MROH9: variants seen among roughly 807,000 people sequenced by gnomAD.
The protein encoded by MROH9 is maestro heat like repeat family member 9.
MROH9 carries 92 observed loss-of-function variants against 98.2 expected under a neutral mutation model. That is an observed-to-expected ratio of 0.94 (90% confidence interval 0.79 to 1.11). The LOEUF (loss-of-function observed/expected upper bound fraction) is 1.11, where lower values mean the gene tolerates loss of function less well. Among genes scored for constraint, MROH9 ranks in the 50% most tolerant of loss-of-function variants. MROH9 has a pLI of 0.00. For synonymous variants in MROH9, 397 were observed against 368.9 expected (o/e 1.08, Z -0.87); for missense variants, 1,057 against 1,014.8 (o/e 1.04, Z -0.57).
chr1:170,962,277 T>C (rs141906043), intron 6 of MROH9, among the ~76,000 whole-genome samples: 1 of 152,304 alleles, frequency 6.6e-6, no homozygotes, highest in Non-Finnish European at 1.5e-5. Flanking sequence ...AGAGCAGTGT[T>C]AGCCTAAACT....
At chr1:171,021,278 G>A (rs1054117040) in intron 17 of MROH9, among the ~76,000 whole-genome samples, 1 of 151,668 alleles carries the variant, frequency 6.6e-6, no homozygotes, top group Non-Finnish European at 1.5e-5. Flanking sequence ...CCATATGGAA[G>A]CAAAAAAGAG....
chr1:170,971,722 C>T (rs149126100), intron 7 of MROH9, 26 bp from the exon 8 acceptor site: 2 of 1,612,758 alleles, frequency 1.2e-6, no homozygotes, highest in African/African-American at 2.7e-5. Context: ...ATAGCAAATG[C>T]ATGTTCTCCT....
chr1:171,038,748 C>T (rs1011517615), intron 20 of MROH9, among the ~76,000 whole-genome samples: 1 of 152,160 alleles, frequency 6.6e-6, no homozygotes, highest in Non-Finnish European at 1.5e-5. Flanking sequence ...TGTGACTTAT[C>T]TTACAGTCAT....
chr1:170,950,988 C>CT lies in MROH9; in HGVS notation c.72+3422dup, dbSNP rs572424585. ...TGTCTCTAAGCCACTGAAAATCCCTCTTTTTTTCCCTAGTGTGGGAGAGGG... is the reference window on the plus strand; with the variant it reads ...TGTCTCTAAGCCACTGAAAATCCCTCTTTTTTTTCCCTAGTGTGGGAGAGGG... On this transcript the variant is annotated intron_variant, in intron 3 of 21. Transcript: ENST00000367759. Among the ~76,000 whole-genome samples, 34 of 152,012 alleles carry CT rather than the reference C, an allele frequency of 2.2e-4. 1 individual carries two copies. In the South Asian group the frequency reaches 4.6e-3, roughly 20 times the overall value.
chr1:170,941,618 G>C (rs1348681638), intron 1 of MROH9, among the ~76,000 whole-genome samples: 1 of 151,946 alleles, frequency 6.6e-6, no homozygotes, highest in Admixed American at 6.6e-5. Context: ...ATTGGCTGTT[G>C]AGCTTGCCCC....
intron 17 of MROH9, among the ~76,000 whole-genome samples, chr1:171,022,358 C>T (rs1216657637): frequency 6.6e-6 from 1 of 152,122 alleles, no homozygotes; most frequent in African/African-American, 2.4e-5. Context: ...AAATGCCCAT[C>T]AATGTTAGAC....
intron 15 of MROH9, among the ~76,000 whole-genome samples, chr1:171,000,474 T>C (rs933743087): frequency 1.2e-4 from 18 of 152,116 alleles, no homozygotes; most frequent in African/African-American, 4.3e-4. Context: ...GTCGAATGCT[T>C]TTTCTGCATC....
chr1:171,014,255 G>A lies in MROH9; in HGVS notation c.1734+1G>A, dbSNP rs1206618989. 1.2e-5 allele frequency: 18 copies of A among 1,547,252 alleles called. No individual in the cohort carries two copies. The East Asian group carries it at 4.4e-4, about 38-fold the overall frequency. On this transcript the variant is annotated splice_donor_variant, in intron 16 of 21. Transcript: ENST00000367759. LOFTEE classifies it high-confidence loss of function. ...CCACATGTCACCAATTATCAATAAG[G>A]TATGTGTATGTGATTTGTGTCTGCA...
chr1:170,984,015 TAAG>T (rs1448296891), intron 9 of MROH9, among the ~76,000 whole-genome samples: 1 of 152,192 alleles, frequency 6.6e-6, no homozygotes, highest in Non-Finnish European at 1.5e-5. Context: ...CAGTACCAAG[TAAG>T]TAGTTTTTAC....
chr1:170,992,112 T>C (rs1274407215), intron 11 of MROH9, 52 bp from the exon 12 acceptor site: 2 of 1,508,576 alleles, frequency 1.3e-6, no homozygotes, highest in Admixed American at 2.3e-5. Context: ...TTCTATCAAG[T>C]AGGACATGAC....
intron 7 of MROH9, among the ~76,000 whole-genome samples, chr1:170,966,778 A>T (rs1189552118): frequency 6.6e-6 from 1 of 152,074 alleles, no homozygotes. Context: ...GCCTTTCTCT[A>T]ACTTCTAAAA....
chr1:170,941,792 C>A (rs933368217), intron 1 of MROH9, among the ~76,000 whole-genome samples: 1 of 152,168 alleles, frequency 6.6e-6, no homozygotes, highest in Non-Finnish European at 1.5e-5. Context: ...GCTGTAGTGG[C>A]AAAAGGTGTG....
chr1:170,990,755 T>G (rs1036547628), intron 11 of MROH9, among the ~76,000 whole-genome samples: 2 of 152,192 alleles, frequency 1.3e-5, no homozygotes, highest in Non-Finnish European at 2.9e-5. Context: ...TGTGACATTA[T>G]GCAAGTTTGA....
At chr1:171,033,953 G>A (rs1356568556) in intron 20 of MROH9, among the ~76,000 whole-genome samples, 2 of 152,086 alleles carry the variant, frequency 1.3e-5, no homozygotes, top group South Asian at 2.1e-4. Flanking sequence ...TATACAGAAT[G>A]CAACATTAAG....
rs1292891808 is a variant in MROH9 at position 170,982,102 on chromosome 1, G to T, written c.617-1320G>T. ...AACACAATTTTATATTTACCTGAGA[G>T]AAATGAAAGCAATTGTTCGTACAAA... On this transcript the variant is annotated intron_variant, in intron 8 of 21. Transcript: ENST00000367759. Among the ~76,000 whole-genome samples the T allele has an allele frequency of 3.3e-5, 5 of 152,114 alleles. No homozygotes were observed. The East Asian group carries it at 9.6e-4, about 29-fold the overall frequency.
chr1:170,970,099 A>T (rs116095567), intron 7 of MROH9, among the ~76,000 whole-genome samples: 2,828 of 152,308 alleles, frequency 0.019, 85 homozygotes, highest in African/African-American at 0.065. Context: ...ATAGATCCTA[A>T]CTGGCAAACA....
rs1179337029 is a variant in MROH9, at chr1:171,016,196, C to T, written c.1768C>T (p.Leu590=). ...ENVSSILIAI[L]DAFLSKDDNV... is the part of the protein sequence containing the mutation. ...TGTCAGCAGTATATTAATAGCCATC[C>T]TGGATGCCTTCCTTTCCAAAGACGA... Residue 590 remains leucine, a synonymous_variant, in exon 17 of 22, where the codon CTG becomes TTG. Transcript: ENST00000367759. 1 of 1,530,774 alleles carries T rather than the reference C, an allele frequency of 6.5e-7. No homozygotes were observed. Among genetic ancestry groups the T allele is most frequent in the South Asian group, 1.3e-5 (1 of 79,806 alleles). The allele number at this position is 1,530,774 out of a possible 1,614,324, so 94.8% of individuals were successfully genotyped here.
intron 20 of MROH9, among the ~76,000 whole-genome samples, chr1:171,029,845 G>C (rs1652848426): frequency 6.6e-6 from 1 of 152,116 alleles, no homozygotes; most frequent in Non-Finnish European, 1.5e-5. Context: ...CTTTTCAATT[G>C]TTTGGAATAC....
intron 3 of MROH9, among the ~76,000 whole-genome samples, chr1:170,948,763 C>T (rs1649433307): frequency 6.6e-6 from 1 of 151,890 alleles, no homozygotes; most frequent in Non-Finnish European, 1.5e-5. Context: ...GACTTTGGGC[C>T]AGAGAAGATT....
Sources: gnomAD v4.1 joint callset for allele counts (sites outside exome capture counted in the v4.1 genomes callset) on GRCh38, gnomAD v4.1.1 for gene constraint, MANE v1.5 for transcripts, NCBI Gene and HGNC (gene_info 2026-07-23, HGNC 2026-07-21) for gene names.